PDE8B: variants seen among roughly 807,000 people sequenced by gnomAD.
PDE8B encodes phosphodiesterase 8B, also known as high affinity cAMP-specific and IBMX-insensitive 3',5'-cyclic phosphodiesterase 8B.
Under a neutral mutation model 101.3 loss-of-function variants are expected in PDE8B, and 26 were observed. The observed-to-expected ratio is 0.26, with a 90% CI of 0.19 to 0.36. PDE8B has a LOEUF of 0.36. Ranked by LOEUF, PDE8B falls within the 10% of genes least tolerant of loss-of-function variation. The pLI is 1.00. For missense variants in PDE8B, 810 were observed against 1,163.1 expected, an observed-to-expected ratio of 0.70 and a Z score of 4.42; for synonymous variants, 424 against 429.3, an observed-to-expected ratio of 0.99 and a Z score of 0.15.
intron 20 of PDE8B, 101 bp downstream of exon 20, chr5:77,422,089 T>A: frequency 8.0e-7 from 1 of 1,248,972 alleles, no homozygotes. Flanking sequence ...TTTTACCAAT[T>A]AGTTAACCAC....
At chr5:77,192,820 T>C in the PDE8B span, among the ~76,000 whole-genome samples, 1 of 152,226 alleles carries the variant, frequency 6.6e-6, no homozygotes, top group Non-Finnish European at 1.5e-5. Context: ...GAATTCCAGT[T>C]GTTCTATATC....
At position 77,327,285 on chromosome 5, in the gene PDE8B, T is replaced by C. The variant is rs557578057; in HGVS notation, c.590+1556T>C. On this transcript the variant is annotated intron_variant, in intron 3 of 21. Transcript: ENST00000264917. ...TTGAGCCTCAGCCCCACCTTCTCCT[T>C]AGTCCTCTCATCCAGGAAGAGGCCT... Among the ~76,000 whole-genome samples the C allele has an allele frequency of 5.5e-4, 83 of 152,292 alleles. 1 individual carries two copies. The highest frequency in any genetic ancestry group is 5.4e-3 in the Admixed American group (83 of 15,302).
intron 1 of PDE8B, among the ~76,000 whole-genome samples, chr5:77,224,481 T>A (rs1185937169): frequency 6.6e-6 from 1 of 152,192 alleles, no homozygotes; most frequent in Non-Finnish European, 1.5e-5. Flanking sequence ...CTTTCCCCCA[T>A]ACTTTGGGAT....
At chr5:77,259,601 C>T (rs1760055658) in intron 1 of PDE8B, among the ~76,000 whole-genome samples, 2 of 152,292 alleles carry the variant, frequency 1.3e-5, no homozygotes, top group Middle Eastern at 3.4e-3. Context: ...GGGGAATTTC[C>T]TCCCCACTTC....
chr5:77,426,217 G>C (rs749873881), intron 21 of PDE8B: 47 of 604,370 alleles, frequency 7.8e-5, no homozygotes, highest in Non-Finnish European at 1.3e-4. Flanking sequence ...AATGTATTTA[G>C]TTTACTCTGA....
the PDE8B span, among the ~76,000 whole-genome samples, chr5:77,121,206 C>T: frequency 6.6e-6 from 1 of 152,174 alleles, no homozygotes; most frequent in African/African-American, 2.4e-5. Context: ...CAAGCCAAGG[C>T]TGCATTCATC....
the PDE8B span, among the ~76,000 whole-genome samples, chr5:77,201,560 A>C: frequency 6.6e-6 from 1 of 152,198 alleles, no homozygotes; most frequent in East Asian, 1.9e-4. Flanking sequence ...ATCCAGATGA[A>C]GAATTCCCTT....
chr5:77,335,145 A>C (rs1037711717), intron 5 of PDE8B, among the ~76,000 whole-genome samples: 5 of 152,232 alleles, frequency 3.3e-5, no homozygotes, highest in Non-Finnish European at 7.3e-5. Context: ...GTAGGCAGAA[A>C]TAGAAATGAC....
the PDE8B span, among the ~76,000 whole-genome samples, chr5:77,185,598 A>T: frequency 6.6e-6 from 1 of 152,130 alleles, no homozygotes; most frequent in East Asian, 1.9e-4. Flanking sequence ...CCCATAACAC[A>T]TTGTCTCTGT....
At chr5:77,299,242 T>TTTTG (rs57889879) in intron 1 of PDE8B, among the ~76,000 whole-genome samples, 35,583 of 150,682 alleles carry the variant, frequency 0.24, 4,724 homozygotes, top group African/African-American at 0.35. Context: ...AGAGTTGTTT[T>TTTTG]TTTGTTTGTT....
intron 1 of PDE8B, among the ~76,000 whole-genome samples, chr5:77,310,812 G>A (rs1772428955): frequency 6.6e-6 from 1 of 152,128 alleles, no homozygotes; most frequent in African/African-American, 2.4e-5. Context: ...GCTGTGTTGG[G>A]GTGGGGTAGG....
the PDE8B span, among the ~76,000 whole-genome samples, chr5:77,133,095 A>G: frequency 6.6e-6 from 1 of 152,226 alleles, no homozygotes; most frequent in Non-Finnish European, 1.5e-5. Context: ...TATTCAAAAT[A>G]TTCACTTTTC....
chr5:77,263,942 C>G (rs72766936), intron 1 of PDE8B, among the ~76,000 whole-genome samples: 6,331 of 152,228 alleles, frequency 0.042, 199 homozygotes, highest in African/African-American at 0.078. Flanking sequence ...CATTTTCTCT[C>G]ATTAGCAGCC....
At chr5:77,358,406 A>C (rs1782500168) in intron 10 of PDE8B, 1 of 983,776 alleles carries the variant, frequency 1.0e-6, no homozygotes, top group South Asian at 4.7e-5. Flanking sequence ...GAGCAGGGAC[A>C]CTTTTTGTCT....
At chr5:77,199,574 A>G in the PDE8B span, among the ~76,000 whole-genome samples, 3 of 152,204 alleles carry the variant, frequency 2.0e-5, no homozygotes, top group Admixed American at 6.5e-5. Context: ...TTAGATCTCC[A>G]TGAGAAATGC....
intron 6 of PDE8B, among the ~76,000 whole-genome samples, chr5:77,337,990 A>T (rs1027170614): frequency 6.6e-6 from 1 of 152,166 alleles, no homozygotes; most frequent in Non-Finnish European, 1.5e-5. Context: ...CCACTCTGGC[A>T]GGCTTTTTGG....
chr5:77,199,104 G>A, the PDE8B span, among the ~76,000 whole-genome samples: 1 of 152,138 alleles, frequency 6.6e-6, no homozygotes, highest in Admixed American at 6.6e-5. Flanking sequence ...TCTAAGAACA[G>A]CCACTCAAGG....
At chr5:77,274,211 C>T (rs953174774) in intron 1 of PDE8B, among the ~76,000 whole-genome samples, 2 of 152,116 alleles carry the variant, frequency 1.3e-5, no homozygotes, top group African/African-American at 4.8e-5. Flanking sequence ...TATATATTAT[C>T]TCAATTAATC....
At chr5:77,154,161 C>G in the PDE8B span, among the ~76,000 whole-genome samples, 5 of 152,214 alleles carry the variant, frequency 3.3e-5, no homozygotes, top group East Asian at 3.9e-4. Flanking sequence ...AATTCTGACT[C>G]ATTTCTGGTA....
Sources: allele counts gnomAD v4.1 joint callset (sites outside exome capture counted in the v4.1 genomes callset), GRCh38; gene constraint gnomAD v4.1.1; transcripts MANE v1.5; gene names NCBI Gene and HGNC (gene_info 2026-07-23, HGNC 2026-07-21).